LAMA2: variants seen among roughly 807,000 people sequenced by gnomAD.
The protein encoded by LAMA2 is laminin subunit alpha-2.
Under a neutral mutation model 364.8 loss-of-function variants are expected in LAMA2, and 269 were observed. That is an observed-to-expected ratio of 0.74 (90% CI 0.67 to 0.82). LAMA2 has a LOEUF of 0.82. LAMA2 is among the 40% of genes least tolerant of loss of function. LAMA2 has a pLI of 0.00. For synonymous variants in LAMA2, 1,379 were observed against 1,370.6 expected (o/e 1.01, Z -0.14); for missense variants, 3,807 against 3,873.2 (o/e 0.98, Z 0.45).
chr6:129,349,378 G>T lies in LAMA2; in HGVS notation c.4517G>T (p.Cys1506Phe). The stretch of plus-strand genomic sequence containing the variant: ...CCACGGGGATATGAAGGCCAGTACT[G>T]TGAAAGGTACCAACAGCCATGAAAC... The part of the protein sequence containing the change: ...ACPRGYEGQY[C>F]ERCAPGYTGS... Residue 1506 changes from cysteine (C) to phenylalanine (F), a missense_variant, in exon 31 of 65, where the codon TGT becomes TTT. By Grantham distance (205) the Cys-to-Phe change is radical. Around this residue, in one of 3 missense-constraint regions of LAMA2, gnomAD observed 3,333 missense variants for 3,345.7 expected, o/e 1.00. Transcript: ENST00000421865. 6.2e-7 allele frequency: 1 copy of T among 1,612,504 alleles called. No homozygotes were observed. The highest frequency in any genetic ancestry group is 8.5e-7 in the Non-Finnish European group (1 of 1,178,684).
chr6:128,987,963 C>T lies in LAMA2; in HGVS notation c.113-61955C>T, dbSNP rs576112992. 1.1e-4 allele frequency among the ~76,000 whole-genome samples: 16 copies of T among 152,294 alleles called. No homozygotes were observed. The East Asian group carries it at 2.5e-3, about 24-fold the overall frequency. Reference sequence around the variant, plus strand: ...GATCTCTGCTCACTGCAACCTCTGCCTGCTGGATTCAAGTGATTCTCCTCC... The same window carrying T: ...GATCTCTGCTCACTGCAACCTCTGCTTGCTGGATTCAAGTGATTCTCCTCC... On this transcript the variant is annotated intron_variant, in intron 1 of 64. Coordinates refer to ENST00000421865, the MANE Select transcript of LAMA2 (RefSeq NM_000426.4).
chr6:128,918,645 C>T (rs1778502256), intron 1 of LAMA2, among the ~76,000 whole-genome samples: 1 of 152,094 alleles, frequency 6.6e-6, no homozygotes, highest in South Asian at 2.1e-4. Flanking sequence ...CGAAACATTC[C>T]CTTGTAACAA....
At chr6:128,955,603 A>G (rs560094899) in intron 1 of LAMA2, among the ~76,000 whole-genome samples, 2 of 152,052 alleles carry the variant, frequency 1.3e-5, no homozygotes, top group African/African-American at 4.8e-5. Flanking sequence ...TCTTTCTTCT[A>G]TTACTTTTAC....
intron 1 of LAMA2, among the ~76,000 whole-genome samples, chr6:128,956,166 A>C (rs1235255151): frequency 6.6e-6 from 1 of 151,970 alleles, no homozygotes; most frequent in Non-Finnish European, 1.5e-5. Context: ...TTGGGCCATC[A>C]ATTTTACTCA....
chr6:129,477,476 GATT>G (rs1784125233), intron 53 of LAMA2, among the ~76,000 whole-genome samples: 1 of 152,240 alleles, frequency 6.6e-6, no homozygotes, highest in South Asian at 2.1e-4. Context: ...TAGGTACTAT[GATT>G]ATTATTATCA....
At chr6:129,371,247 ATGTGTGTGTG>A (rs66522065) in intron 34 of LAMA2, among the ~76,000 whole-genome samples, 4 of 148,388 alleles carry the variant, frequency 2.7e-5, no homozygotes, top group East Asian at 2.0e-4. Context: ...GAACTTTGAG[ATGTGTGTGTG>A]TGTGTGTGTG....
chr6:128,894,437 A>T (rs1776643824), intron 1 of LAMA2, among the ~76,000 whole-genome samples: 1 of 152,316 alleles, frequency 6.6e-6, no homozygotes, highest in South Asian at 2.1e-4. Flanking sequence ...GTAGTTATTG[A>T]CAAATTTTGT....
intron 3 of LAMA2, among the ~76,000 whole-genome samples, chr6:129,079,334 G>T (rs1410700336): frequency 6.6e-6 from 1 of 152,118 alleles, no homozygotes; most frequent in Non-Finnish European, 1.5e-5. Flanking sequence ...TCAAAGATGT[G>T]TGTGTATAGA....
intron 1 of LAMA2, among the ~76,000 whole-genome samples, chr6:128,975,695 G>C (rs976739755): frequency 6.6e-6 from 1 of 152,124 alleles, no homozygotes; most frequent in African/African-American, 2.4e-5. Flanking sequence ...GAGATCTGAT[G>C]ATTTTATAAA....
intron 1 of LAMA2, among the ~76,000 whole-genome samples, chr6:128,965,079 A>G (rs67900452): frequency 0.072 from 10,967 of 152,132 alleles, 465 homozygotes; most frequent in South Asian, 0.12. Flanking sequence ...CAGTAGCACA[A>G]GCAACTGCAG....
intron 1 of LAMA2, among the ~76,000 whole-genome samples, chr6:129,039,588 G>A (rs566798780): frequency 3.7e-4 from 57 of 152,312 alleles, no homozygotes; most frequent in Admixed American, 1.8e-3. Flanking sequence ...GTAGAGTCAC[G>A]CAGGAAGACT....
intron 33 of LAMA2, among the ~76,000 whole-genome samples, 173 bp downstream of exon 33, chr6:129,366,534 T>G (rs1221587252): frequency 6.6e-6 from 1 of 152,156 alleles, no homozygotes; most frequent in African/African-American, 2.4e-5. Flanking sequence ...AGAACTATAA[T>G]ATACAGATTT....
chr6:129,514,423 T>C lies in LAMA2; in HGVS notation c.9039T>C (p.Asp3013=), dbSNP rs1057523899. The C allele has an allele frequency of 1.9e-6, 3 of 1,614,136 alleles. No individual in the cohort carries two copies. Among genetic ancestry groups the C allele is most frequent in the Non-Finnish European group, 2.5e-6 (3 of 1,180,006 alleles). Residue 3013 remains aspartate, a synonymous_variant, in exon 64 of 65, where the codon GAT becomes GAC. Transcript: ENST00000421865. ...CGGGCAGATTCACTGCTGTCTATGA[T>C]GCTGGGGTTCCAGGGCATTTGTGTG... ...NGAGRFTAVY[D]AGVPGHLCDG...
At chr6:129,425,220 A>G (rs955434629) in intron 40 of LAMA2, among the ~76,000 whole-genome samples, 2 of 152,018 alleles carry the variant, frequency 1.3e-5, no homozygotes, top group African/African-American at 4.8e-5. Context: ...TTCAAAACTT[A>G]TCCAATTGTA....
intron 41 of LAMA2, among the ~76,000 whole-genome samples, chr6:129,429,522 G>T (rs183337946): frequency 5.3e-5 from 8 of 152,134 alleles, no homozygotes; most frequent in Admixed American, 2.0e-4. Context: ...GTTCTATCTC[G>T]ATTATAAGTA....
At chr6:129,501,352 C>T (rs577997301) in intron 58 of LAMA2, among the ~76,000 whole-genome samples, 5 of 152,276 alleles carry the variant, frequency 3.3e-5, no homozygotes, top group South Asian at 4.1e-4. Context: ...GTGTGAATTT[C>T]GGCCACAGTC....
At chr6:129,410,774 CAGAA>C (rs1436537292) in intron 40 of LAMA2, among the ~76,000 whole-genome samples, 4 of 151,952 alleles carry the variant, frequency 2.6e-5, no homozygotes, top group Non-Finnish European at 4.4e-5. Context: ...AGATGATAGA[CAGAA>C]AGAATAAGAG....
At chr6:128,944,515 C>T (rs948919882) in intron 1 of LAMA2, among the ~76,000 whole-genome samples, 5 of 152,052 alleles carry the variant, frequency 3.3e-5, no homozygotes, top group Non-Finnish European at 5.9e-5. Flanking sequence ...ATGATTAAGG[C>T]GGGATGCAGT....
chr6:129,371,757 C>T (rs1384937447), intron 34 of LAMA2, among the ~76,000 whole-genome samples: 1 of 151,950 alleles, frequency 6.6e-6, no homozygotes, highest in Admixed American at 6.6e-5. Context: ...CAGGTGTGTG[C>T]CACCACACCT....
Sources: gnomAD v4.1 joint callset for allele counts (sites outside exome capture counted in the v4.1 genomes callset) on GRCh38, gnomAD v4.1.1 for gene constraint, gnomAD v4.1.1 regional missense constraint, MANE v1.5 for transcripts, NCBI Gene and HGNC (gene_info 2026-07-23, HGNC 2026-07-21) for gene names.